The following KCNH5 variants were observed in gnomAD, a reference collection of about 807,000 sequenced individuals.
KCNH5 encodes voltage-gated delayed rectifier potassium channel KCNH5.
A neutral mutation model predicts 96.1 loss-of-function variants in KCNH5; 46 were observed. The observed-to-expected ratio is 0.48, with a 90% CI of 0.38 to 0.61. The LOEUF (loss-of-function observed/expected upper bound fraction) is 0.61. Among genes scored for constraint, KCNH5 ranks in the 20% least tolerant of loss-of-function variants. The pLI is 0.00. For synonymous variants in KCNH5, 439 were observed against 449.8 expected (o/e 0.98, Z 0.30); for missense variants, 907 against 1,225.8 (o/e 0.74, Z 3.88).
chr14:62,728,152 G>C (rs139487470), intron 10 of KCNH5, among the ~76,000 whole-genome samples: 2 of 151,362 alleles, frequency 1.3e-5, no homozygotes, highest in Non-Finnish European at 2.9e-5. Context: ...AGGCTGAGGC[G>C]GGCAGATCAT....
chr14:62,993,344 G>A (rs1474133170), intron 4 of KCNH5, among the ~76,000 whole-genome samples: 2 of 151,858 alleles, frequency 1.3e-5, no homozygotes, highest in African/African-American at 4.8e-5. Context: ...TTCTAATTCT[G>A]TAAAAAATGA....
intron 10 of KCNH5, among the ~76,000 whole-genome samples, chr14:62,777,427 G>A (rs1381662019): frequency 1.3e-5 from 2 of 152,180 alleles, no homozygotes; most frequent in East Asian, 1.9e-4. Flanking sequence ...GATATTATAT[G>A]TAAACTATGT....
intron 2 of KCNH5, among the ~76,000 whole-genome samples, chr14:63,010,828 A>G (rs966550451): frequency 6.6e-6 from 1 of 152,220 alleles, no homozygotes; most frequent in Admixed American, 6.5e-5. Context: ...CAGACTTCCA[A>G]AGGAGAAAAG....
chr14:62,749,338 T>C (rs750436194), intron 10 of KCNH5, among the ~76,000 whole-genome samples: 1 of 152,212 alleles, frequency 6.6e-6, no homozygotes, highest in Non-Finnish European at 1.5e-5. Context: ...TGGGACTTCA[T>C]AAGAAATGAG....
At chr14:63,012,272 A>C (rs1891243878) in intron 2 of KCNH5, among the ~76,000 whole-genome samples, 1 of 152,320 alleles carries the variant, frequency 6.6e-6, no homozygotes, top group Middle Eastern at 3.4e-3. Flanking sequence ...AGGCGTGGAA[A>C]ATGCAGTGTC....
intron 10 of KCNH5, among the ~76,000 whole-genome samples, chr14:62,737,676 T>C (rs1885187677): frequency 6.6e-6 from 1 of 152,102 alleles, no homozygotes; most frequent in Non-Finnish European, 1.5e-5. Flanking sequence ...TAATAAAACA[T>C]GATATTCTTA....
intron 7 of KCNH5, among the ~76,000 whole-genome samples, chr14:62,860,908 T>G (rs1461541835): frequency 6.6e-6 from 1 of 152,184 alleles, no homozygotes; most frequent in Non-Finnish European, 1.5e-5. Flanking sequence ...CTCAGAAATT[T>G]TAAACCCAGC....
chr14:62,870,527 G>A (rs1670414031), intron 7 of KCNH5, among the ~76,000 whole-genome samples: 1 of 151,932 alleles, frequency 6.6e-6, no homozygotes, highest in South Asian at 2.1e-4. Context: ...CATAAAAATA[G>A]GTAATAATTT....
At chr14:62,809,299 AACAGG>A (rs1379927234) in intron 8 of KCNH5, among the ~76,000 whole-genome samples, 3 of 152,152 alleles carry the variant, frequency 2.0e-5, no homozygotes, top group African/African-American at 7.2e-5. Flanking sequence ...TTTATTTTGT[AACAGG>A]ACACAACTGG....
At chr14:62,854,023 A>C (rs1173874821) in intron 7 of KCNH5, among the ~76,000 whole-genome samples, 1 of 150,662 alleles carries the variant, frequency 6.6e-6, no homozygotes, top group African/African-American at 2.4e-5. Flanking sequence ...AAAAAACAAA[A>C]AAAACAAAAA....
chr14:62,912,609 G>A (rs576223145), intron 7 of KCNH5, among the ~76,000 whole-genome samples: 3 of 152,098 alleles, frequency 2.0e-5, no homozygotes, highest in Admixed American at 2.0e-4. Flanking sequence ...GTTTCACCAT[G>A]TTGGCCAGGC....
intron 10 of KCNH5, among the ~76,000 whole-genome samples, chr14:62,739,232 A>C (rs1049170580): frequency 6.6e-6 from 1 of 152,166 alleles, no homozygotes; most frequent in Non-Finnish European, 1.5e-5. Flanking sequence ...GAATTAAATC[A>C]AAATCAGTGT....
chr14:62,888,197 G>C (rs1383931153), intron 7 of KCNH5, among the ~76,000 whole-genome samples: 1 of 152,158 alleles, frequency 6.6e-6, no homozygotes, highest in Non-Finnish European at 1.5e-5. Context: ...TGAAGAAAGG[G>C]AATGAAGTTT....
At chr14:62,977,323 G>A (rs1890520523) in intron 6 of KCNH5, among the ~76,000 whole-genome samples, 1 of 151,934 alleles carries the variant, frequency 6.6e-6, no homozygotes, top group Non-Finnish European at 1.5e-5. Flanking sequence ...TCACACCACT[G>A]CACTCTCGCC....
intron 9 of KCNH5, among the ~76,000 whole-genome samples, chr14:62,781,627 G>A (rs535355283): frequency 6.0e-4 from 91 of 152,322 alleles, no homozygotes; most frequent in Non-Finnish European, 1.0e-3. Context: ...AAAGAATTCA[G>A]TGATATTTCT....
chr14:62,718,312 C>A (rs1301327138), intron 10 of KCNH5, among the ~76,000 whole-genome samples: 1 of 151,580 alleles, frequency 6.6e-6, no homozygotes, highest in Non-Finnish European at 1.5e-5. Flanking sequence ...AATAATATAT[C>A]TGATATAGGT....
chr14:62,869,939 AATTAACTCAAG>A (rs1172190723), intron 7 of KCNH5, among the ~76,000 whole-genome samples: 1 of 152,192 alleles, frequency 6.6e-6, no homozygotes, highest in Non-Finnish European at 1.5e-5. Flanking sequence ...CTTATACAAA[AATTAACTCAAG>A]ATTAATTGAA....
intron 8 of KCNH5, among the ~76,000 whole-genome samples, chr14:62,826,806 C>T (rs887263967): frequency 6.6e-6 from 1 of 151,618 alleles, no homozygotes; most frequent in Non-Finnish European, 1.5e-5. Flanking sequence ...TTTATCAGAG[C>T]ATTTATAGTT....
chr14:62,747,357 ACT>A (rs1429578619), intron 10 of KCNH5, among the ~76,000 whole-genome samples: 1 of 152,058 alleles, frequency 6.6e-6, no homozygotes, highest in African/African-American at 2.4e-5. Context: ...AAAAAAGCAA[ACT>A]CAGCTCTTAA....
Sources: gnomAD v4.1 joint callset for allele counts (sites outside exome capture counted in the v4.1 genomes callset) on GRCh38, gnomAD v4.1.1 for gene constraint, MANE v1.5 for transcripts, NCBI Gene and HGNC (gene_info 2026-07-23, HGNC 2026-07-21) for gene names.